The following RAPGEF6 variants were observed in gnomAD, a reference collection of about 807,000 sequenced individuals.
The protein encoded by RAPGEF6 is Rap guanine nucleotide exchange factor 6.
Under a neutral mutation model 171.4 loss-of-function variants are expected in RAPGEF6, and 56 were observed. The observed-to-expected ratio is 0.33, with a 90% CI of 0.26 to 0.41. The LOEUF (loss-of-function observed/expected upper bound fraction) is 0.41. Among genes scored for constraint, RAPGEF6 ranks in the 10% least tolerant of loss-of-function variants. The pLI is 1.00. For missense variants in RAPGEF6, 1,674 were observed against 1,921.4 expected, an observed-to-expected ratio of 0.87 and a Z score of 2.41; for synonymous variants, 692 against 650.1, an observed-to-expected ratio of 1.06 and a Z score of -0.98.
chr5:131,429,078 G>A lies in RAPGEF6; in HGVS notation c.4604C>T (p.Ala1535Val), dbSNP rs1264479047. ...THLKPPDYSV[A>V]VQRSKMMHNS... ...ATGCATCATCTTTGACCTCTGCACT[G>A]CCACACTATAATCTGGAGGTTTTAG... is the stretch of plus-strand genomic sequence containing the variant. Residue 1535 changes from alanine to valine, a missense_variant, in exon 27 of 28, where the codon GCA becomes GTA. Physicochemically the swap from Ala to Val is moderately conservative, Grantham distance 64. Transcript: ENST00000509018. 1.2e-6 allele frequency: 2 copies of A among 1,614,148 alleles called. No individual in the cohort carries two copies. The highest frequency in any genetic ancestry group is 3.3e-5 in the Admixed American group (2 of 60,024).
chr5:131,476,680 C>T (rs1042194268), intron 16 of RAPGEF6, among the ~76,000 whole-genome samples: 11 of 152,134 alleles, frequency 7.2e-5, no homozygotes, highest in African/African-American at 2.2e-4. Flanking sequence ...TACAGGTGTA[C>T]GCCACCATGT....
intron 24 of RAPGEF6, chr5:131,435,904 T>C: frequency 6.7e-7 from 1 of 1,485,604 alleles, no homozygotes; most frequent in East Asian, 2.5e-5. Context: ...ATGTATACAT[T>C]AATAACTGAA....
chr5:131,549,617 G>A (rs902833825), intron 5 of RAPGEF6, among the ~76,000 whole-genome samples: 3 of 151,978 alleles, frequency 2.0e-5, no homozygotes, highest in Non-Finnish European at 2.9e-5. Flanking sequence ...ATGCTGGGGC[G>A]AGAGTATCAC....
Position 131,528,352 on chromosome 5 carries a change from C to T in RAPGEF6, c.496-6831G>A, listed in dbSNP as rs200800769. ...ATATATATATATACACACACACACA[C>T]ATATATATATATGGCAGTATGGAGC... On this transcript the variant is annotated intron_variant, in intron 6 of 27. Coordinates refer to ENST00000509018, the MANE Select transcript of RAPGEF6 (RefSeq NM_016340.6). Among the ~76,000 whole-genome samples, 70 of 76,314 alleles carry T rather than the reference C, an allele frequency of 9.2e-4. 1 individual carries two copies. Among genetic ancestry groups the T allele is most frequent in the East Asian group, 7.1e-3 (24 of 3,394 alleles). The allele number at this position is 76,314 out of a possible 152,430, so 50.1% of individuals were successfully genotyped here.
intron 1 of RAPGEF6, among the ~76,000 whole-genome samples, chr5:131,620,902 T>C (rs1445055523): frequency 6.6e-6 from 1 of 152,154 alleles, no homozygotes; most frequent in Non-Finnish European, 1.5e-5. Context: ...TAAAATCCAC[T>C]CTTCACATAT....
intron 4 of RAPGEF6, among the ~76,000 whole-genome samples, chr5:131,578,652 A>G (rs1215809352): frequency 6.6e-6 from 1 of 152,174 alleles, no homozygotes; most frequent in Admixed American, 6.5e-5. Flanking sequence ...ACAACAGCTT[A>G]CTGGAATCCC....
intron 3 of RAPGEF6, among the ~76,000 whole-genome samples, chr5:131,600,376 G>A (rs961497150): frequency 6.6e-6 from 1 of 152,008 alleles, no homozygotes; most frequent in Non-Finnish European, 1.5e-5. Flanking sequence ...ACAAAAATTA[G>A]CCAGACGTGG....
At chr5:131,527,625 T>C (rs1290029790) in intron 6 of RAPGEF6, among the ~76,000 whole-genome samples, 1 of 151,796 alleles carries the variant, frequency 6.6e-6, no homozygotes, top group African/African-American at 2.4e-5. Context: ...GAAGGTGAAA[T>C]AGAAGAAAAT....
intron 24 of RAPGEF6, among the ~76,000 whole-genome samples, 184 bp downstream of exon 24, chr5:131,439,397 T>G (rs569625744): frequency 2.1e-4 from 32 of 152,226 alleles, no homozygotes; most frequent in Non-Finnish European, 3.4e-4. Flanking sequence ...GAGTCCTAGT[T>G]ACATGACACA....
At chr5:131,567,339 A>G (rs756000448) in intron 4 of RAPGEF6, among the ~76,000 whole-genome samples, 2 of 152,068 alleles carry the variant, frequency 1.3e-5, no homozygotes, top group Admixed American at 1.3e-4. Context: ...GCTTTTGAGT[A>G]TACTCTGTTC....
chr5:131,583,202 AC>A lies in RAPGEF6; in HGVS notation c.281+9180del, dbSNP rs563919921. Among the ~76,000 whole-genome samples the A allele has an allele frequency of 1.5e-4, 23 of 152,316 alleles. No individual in the cohort carries two copies. The East Asian group carries it at 4.2e-3, about 28-fold the overall frequency. ...AATGGACCCCCTCTTGGCCAGGGGC[AC>A]CCCAGAGAAACCTTGAAAACTGAGT... On this transcript the variant is annotated intron_variant, in intron 4 of 27. Coordinates refer to ENST00000509018, the MANE Select transcript of RAPGEF6 (RefSeq NM_016340.6).
chr5:131,606,055 A>AAAAAAAAAAAAAAAAAAAAG (rs1764553795), intron 1 of RAPGEF6, among the ~76,000 whole-genome samples: 1 of 126,548 alleles, frequency 7.9e-6, no homozygotes, highest in African/African-American at 4.3e-5. Context: ...AAAAAAAAAG[A>AAAAAAAAAAAAAAAAAAAAG]AAAAGAAAAG....
At chr5:131,566,731 TTTTC>T (rs530736018) in intron 4 of RAPGEF6, among the ~76,000 whole-genome samples, 96 of 151,530 alleles carry the variant, frequency 6.3e-4, no homozygotes, top group Middle Eastern at 3.4e-3. Context: ...CAAAGTTTCT[TTTTC>T]TTTTTTTTTT....
chr5:131,489,090 T>C (rs950711021), intron 15 of RAPGEF6, among the ~76,000 whole-genome samples: 8 of 152,228 alleles, frequency 5.3e-5, no homozygotes, highest in African/African-American at 7.2e-5. Context: ...CACTAAGTAC[T>C]TAAGTCAATG....
At chr5:131,430,528 A>G (rs1751633736) in intron 26 of RAPGEF6, among the ~76,000 whole-genome samples, 1 of 152,242 alleles carries the variant, frequency 6.6e-6, no homozygotes, top group Non-Finnish European at 1.5e-5. Flanking sequence ...ATGAGGTGAT[A>G]AAGAGAATAA....
At chr5:131,432,890 A>G (rs983496992) in intron 25 of RAPGEF6, among the ~76,000 whole-genome samples, 5 of 152,196 alleles carry the variant, frequency 3.3e-5, no homozygotes, top group Non-Finnish European at 5.9e-5. Context: ...AGATTTCACA[A>G]TATTTATCAG....
At chr5:131,480,253 G>A (rs1416815057) in intron 15 of RAPGEF6, among the ~76,000 whole-genome samples, 2 of 152,172 alleles carry the variant, frequency 1.3e-5, no homozygotes, top group Non-Finnish European at 1.5e-5. Flanking sequence ...AAAAACCTGC[G>A]TATGGCTCTG....
At chr5:131,583,532 C>G (rs906759675) in intron 4 of RAPGEF6, among the ~76,000 whole-genome samples, 1 of 152,172 alleles carries the variant, frequency 6.6e-6, no homozygotes, top group African/African-American at 2.4e-5. Context: ...TTCGACAGAG[C>G]CTTACTCCTT....
intron 11 of RAPGEF6, 113 bp from the exon 12 acceptor site, chr5:131,498,720 A>G (rs1445799727): frequency 3.0e-6 from 3 of 999,936 alleles, no homozygotes; most frequent in East Asian, 5.0e-5. Context: ...TCGTCAAAGT[A>G]CAGTTTCGCC....
Sources: gnomAD v4.1 joint callset for allele counts (sites outside exome capture counted in the v4.1 genomes callset) on GRCh38, gnomAD v4.1.1 for gene constraint, MANE v1.5 for transcripts, NCBI Gene and HGNC (gene_info 2026-07-23, HGNC 2026-07-21) for gene names.